The following DYNC2H1 variants were observed in gnomAD, a reference collection of about 807,000 sequenced individuals.
DYNC2H1 encodes the protein dynein cytoplasmic 2 heavy chain 1.
DYNC2H1 carries 410 observed loss-of-function variants against 570.0 expected under a neutral mutation model. That is an observed-to-expected ratio of 0.72 (90% confidence interval 0.66 to 0.78). The LOEUF (loss-of-function observed/expected upper bound fraction) is 0.78. DYNC2H1 is among the 30% of genes least tolerant of loss of function. DYNC2H1 has a pLI of 0.00. For synonymous variants in DYNC2H1, 1,688 were observed against 1,677.6 expected, an observed-to-expected ratio of 1.01 and a Z score of -0.15; for missense variants, 4,865 against 5,046.4, an observed-to-expected ratio of 0.96 and a Z score of 1.09.
At chr11:103,353,530 A>G (rs1234124737) in intron 82 of DYNC2H1, among the ~76,000 whole-genome samples, 1 of 152,194 alleles carries the variant, frequency 6.6e-6, no homozygotes, top group Non-Finnish European at 1.5e-5. Flanking sequence ...AGGTTGGTGC[A>G]AAAGTAATTG....
rs1342070782 is a variant in DYNC2H1, at chr11:103,185,084, A to C, written c.6633+33A>C. On this transcript the variant is annotated intron_variant, in intron 41 of 88. Transcript: ENST00000375735. This position sits in a 1 kb window ranked among gnomAD's most constrained non-coding sequence, Gnocchi z 4.5. ...ATATTTATAGCCTATATTTAGTCAAAACTTTAACTTTTCATTAACTCTTAA... is the reference window on the plus strand; with the variant it reads ...ATATTTATAGCCTATATTTAGTCAACACTTTAACTTTTCATTAACTCTTAA... The C allele has an allele frequency of 1.3e-6, 2 of 1,581,552 alleles. No individual in the cohort carries two copies. The highest frequency in any genetic ancestry group is 3.5e-5 in the Admixed American group (2 of 57,734).
intron 56 of DYNC2H1, 92 bp downstream of exon 56, chr11:103,220,120 C>A: frequency 1.5e-6 from 1 of 679,574 alleles, no homozygotes; most frequent in Non-Finnish European, 2.2e-6. Context: ...AAGTTGTTTT[C>A]TCATAGTATT....
At position 103,118,650 on chromosome 11, in the gene DYNC2H1, T is replaced by C. The variant is rs893141748; in HGVS notation, c.999+787T>C. Reference sequence around the variant, plus strand: ...AATATCATTTTATGTCTAGCCAGCATGTATTTATCCTGATTTTCTCAGAAA... The same window carrying C: ...AATATCATTTTATGTCTAGCCAGCACGTATTTATCCTGATTTTCTCAGAAA... On this transcript the variant is annotated intron_variant, in intron 6 of 88. Transcript: ENST00000375735. Among the ~76,000 whole-genome samples the C allele has an allele frequency of 9.8e-5, 15 of 152,330 alleles. No individual in the cohort carries two copies. The East Asian group carries it at 2.7e-3, about 27-fold the overall frequency.
chr11:103,466,023 C>T (rs1565624238), intron 87 of DYNC2H1, among the ~76,000 whole-genome samples: 1 of 152,054 alleles, frequency 6.6e-6, no homozygotes, highest in East Asian at 1.9e-4. Flanking sequence ...CTGTGTCACA[C>T]TATTATTATT....
At chr11:103,128,808 A>C in intron 12 of DYNC2H1, 102 bp from the exon 13 acceptor site, 1 of 1,033,872 alleles carries the variant, frequency 9.7e-7, no homozygotes, top group South Asian at 1.7e-5. Flanking sequence ...TTCTGTTTAA[A>C]TTTTAGGATT....
At chr11:103,109,900 C>T in intron 1 of DYNC2H1, 131 bp downstream of exon 1, 2 of 954,180 alleles carry the variant, frequency 2.1e-6, no homozygotes, top group East Asian at 2.7e-5. Flanking sequence ...GCTGTCTCCA[C>T]TTCTCCTGCA....
chr11:103,265,773 G>T (rs2135291056), intron 70 of DYNC2H1, among the ~76,000 whole-genome samples: 1 of 152,300 alleles, frequency 6.6e-6, no homozygotes, highest in Non-Finnish European at 1.5e-5. Context: ...TCTTGGGCTG[G>T]TTCTTTCTCA....
At position 103,163,698 on chromosome 11, in the gene DYNC2H1, T is replaced by A. The variant is rs1861188655; in HGVS notation, c.4611+551T>A. Among the ~76,000 whole-genome samples, 2 of 152,178 alleles carry A rather than the reference T, an allele frequency of 1.3e-5. No individual in the cohort carries two copies. The highest frequency in any genetic ancestry group is 2.9e-5 in the Non-Finnish European group (2 of 68,038). Reference sequence around the variant, plus strand: ...ACCAGTCTATATCAAAATGTAGCACTAAGACTTGTGTTAAACATCCTGCGT... The same window carrying A: ...ACCAGTCTATATCAAAATGTAGCACAAAGACTTGTGTTAAACATCCTGCGT... On this transcript the variant is annotated intron_variant, in intron 30 of 88. Transcript: ENST00000375735. The surrounding 1 kb of genome is among the most constrained non-coding windows in gnomAD (Gnocchi z 4.6).
At chr11:103,458,908 G>C (rs751093803) in intron 87 of DYNC2H1, among the ~76,000 whole-genome samples, 1 of 152,022 alleles carries the variant, frequency 6.6e-6, no homozygotes, top group Non-Finnish European at 1.5e-5. Context: ...CTGGGCTCAA[G>C]CAATCCACCT....
chr11:103,339,928 TCCA>T (rs922874538), intron 82 of DYNC2H1, among the ~76,000 whole-genome samples: 11 of 152,306 alleles, frequency 7.2e-5, no homozygotes, highest in African/African-American at 2.6e-4. Context: ...AGTGTTGTGT[TCCA>T]CTGTGATAGG....
intron 10 of DYNC2H1, 116 bp downstream of exon 10, chr11:103,121,612 G>A: frequency 8.6e-7 from 1 of 1,165,866 alleles, no homozygotes; most frequent in Non-Finnish European, 1.2e-6. Context: ...TGGCATGTCT[G>A]TCTAATTTTC....
intron 52 of DYNC2H1, among the ~76,000 whole-genome samples, chr11:103,206,960 C>G (rs181526818): frequency 6.6e-6 from 1 of 151,980 alleles, no homozygotes; most frequent in South Asian, 2.1e-4. Context: ...CTTGCTCTGT[C>G]GCCCAGGCTG....
intron 70 of DYNC2H1, among the ~76,000 whole-genome samples, chr11:103,270,395 A>G (rs1188800961): frequency 6.6e-6 from 1 of 152,064 alleles, no homozygotes; most frequent in African/African-American, 2.4e-5. Flanking sequence ...ATACATATCT[A>G]TATCTACAGA....
At chr11:103,438,680 T>C (rs1398849643) in intron 85 of DYNC2H1, among the ~76,000 whole-genome samples, 1 of 152,144 alleles carries the variant, frequency 6.6e-6, no homozygotes, top group African/African-American at 2.4e-5. Context: ...CTGACTTGGG[T>C]CAAAGGTAGC....
At chr11:103,468,449 C>T in intron 87 of DYNC2H1, 140 bp from the exon 88 acceptor site, 2 of 583,598 alleles carry the variant, frequency 3.4e-6, no homozygotes, top group Non-Finnish European at 6.0e-6. Flanking sequence ...ACTTTATTCT[C>T]AAAGTACCAT....
chr11:103,185,167 A>T lies in DYNC2H1; in HGVS notation c.6633+116A>T. On this transcript the variant is annotated intron_variant, in intron 41 of 88. Transcript: ENST00000375735. This position sits in a 1 kb window ranked among gnomAD's most constrained non-coding sequence, Gnocchi z 4.5. ...TATGGAACTTTTAAAATTTGAAATTATGTATTCAATTGAGTAATAATGTAT... is the reference window on the plus strand; with the variant it reads ...TATGGAACTTTTAAAATTTGAAATTTTGTATTCAATTGAGTAATAATGTAT... The T allele has an allele frequency of 6.9e-6, 6 of 867,194 alleles. No homozygotes were observed. The South Asian group carries it at 9.3e-5, about 13-fold the overall frequency. 53.7% of individuals were successfully genotyped at this position (867,194 alleles called of 1,614,324 possible). A position where few individuals can be genotyped will look rare whatever the true frequency, so the allele number is the denominator to read the frequency against.
At position 103,479,112 on chromosome 11, in the gene DYNC2H1, T is replaced by C. The variant is rs765053411; in HGVS notation, c.12783T>C (p.Tyr4261=). ...GWIPQDACGP[Y]SPDECISLPV... Reference sequence around the variant, plus strand: ...TTAAACAGGATGCATGTGGTCCATATTCTCCGGATGAGTGCATCTCTTTGC... The same window carrying C: ...TTAAACAGGATGCATGTGGTCCATACTCTCCGGATGAGTGCATCTCTTTGC... Residue 4261 remains tyrosine, a synonymous_variant, in exon 89 of 89, where the codon TAT becomes TAC. Transcript: ENST00000375735. 2.5e-6 allele frequency: 4 copies of C among 1,613,658 alleles called. No homozygotes were observed. The African/African-American group carries it at 5.3e-5, about 22-fold the overall frequency.
intron 87 of DYNC2H1, among the ~76,000 whole-genome samples, chr11:103,459,792 A>G (rs1021432396): frequency 6.6e-6 from 1 of 151,104 alleles, no homozygotes. Flanking sequence ...CTCTACTAAA[A>G]ATACAAAAAA....
chr11:103,415,082 A>C (rs974742832), intron 84 of DYNC2H1, among the ~76,000 whole-genome samples: 2 of 152,236 alleles, frequency 1.3e-5, no homozygotes, highest in African/African-American at 4.8e-5. Context: ...TCCCTATTTA[A>C]TAAGTGGTGC....
Sources: gnomAD v4.1 joint callset for allele counts (sites outside exome capture counted in the v4.1 genomes callset) on GRCh38, gnomAD v4.1.1 for gene constraint, Gnocchi (gnomAD v3.1) non-coding constraint, MANE v1.5 for transcripts, NCBI Gene and HGNC (gene_info 2026-07-23, HGNC 2026-07-21) for gene names.